Variants in YARS1 observed in about 807,000 individuals in gnomAD.
The protein encoded by YARS1 is tyrosine--tRNA ligase, cytoplasmic.
In YARS1, 36 loss-of-function variants were observed where a neutral mutation model predicts 62.2. The ratio of observed to expected loss-of-function variants is 0.58; its 90% CI spans 0.44 to 0.76. YARS1 has a LOEUF of 0.76. Ranked by LOEUF, YARS1 falls within the 30% of genes least tolerant of loss-of-function variation. The probability of loss-of-function intolerance (pLI) is 0.00; values close to 1 mark genes in which losing one functional copy is unlikely to be tolerated. For synonymous variants in YARS1, 234 were observed against 244.9 expected (o/e 0.96, Z 0.42); for missense variants, 524 against 639.8 (o/e 0.82, Z 1.95).
At chr1:32,815,969 C>T (rs1160263058) in intron 1 of YARS1, among the ~76,000 whole-genome samples, 18 of 151,776 alleles carry the variant, frequency 1.2e-4, no homozygotes, top group African/African-American at 4.4e-4. Flanking sequence ...ATTAGCCGGG[C>T]GTGGGGGCGG....
intron 5 of YARS1, among the ~76,000 whole-genome samples, chr1:32,791,534 G>A (rs1653412202): frequency 6.6e-6 from 1 of 152,168 alleles, no homozygotes; most frequent in Non-Finnish European, 1.5e-5. Context: ...GGGCATGGTG[G>A]CTCACACCTG....
At chr1:32,802,576 G>T (rs1329501515) in intron 4 of YARS1, among the ~76,000 whole-genome samples, 1 of 152,162 alleles carries the variant, frequency 6.6e-6, no homozygotes, top group Non-Finnish European at 1.5e-5. Context: ...TGTTGTGTTA[G>T]CAGGCATGAA....
In YARS1 at chr1:32,780,116, C is replaced by T. The variant is rs777567617; in HGVS notation, c.1303G>A (p.Glu435Lys). Residue 435 changes from glutamate (E) to lysine (K), a missense_variant, in exon 11 of 13, where the codon GAG becomes AAG. Physicochemically the swap from Glu to Lys is moderately conservative, Grantham distance 56 (BLOSUM62 1). Transcript: ENST00000373477. ...GCACACAGAAGCATGCCTTGGGACT[C>T]GACTCCTCTCATCTTCTGGGGTTTC... ...NLKPQKMRGV[E>K]SQGMLLCASI... 16 of 1,614,006 alleles carry T rather than the reference C, an allele frequency of 9.9e-6. No homozygotes were observed. The highest frequency in any genetic ancestry group is 2.2e-5 in the South Asian group (2 of 91,080).
At chr1:32,785,174 C>A (rs1653179802) in intron 8 of YARS1, among the ~76,000 whole-genome samples, 1 of 152,152 alleles carries the variant, frequency 6.6e-6, no homozygotes, top group Non-Finnish European at 1.5e-5. Flanking sequence ...ATAAACAGAG[C>A]CCTGGCCGGG....
chr1:32,783,211 T>G (rs544680311), intron 8 of YARS1: 3 of 153,350 alleles, frequency 2.0e-5, no homozygotes, highest in Admixed American at 1.9e-4. Context: ...TCTCACAGGA[T>G]GGGGATGAGG....
At chr1:32,800,490 A>T (rs1193954985) in intron 4 of YARS1, among the ~76,000 whole-genome samples, 4 of 152,052 alleles carry the variant, frequency 2.6e-5, no homozygotes, top group Non-Finnish European at 4.4e-5. Context: ...AAATTTAATT[A>T]AAAAAAATTA....
chr1:32,779,072 C>T (rs1652969646), intron 12 of YARS1, among the ~76,000 whole-genome samples: 1 of 152,066 alleles, frequency 6.6e-6, no homozygotes. Context: ...CCCTATGTGG[C>T]CTTGTCAGGT....
intron 1 of YARS1, among the ~76,000 whole-genome samples, chr1:32,813,395 T>C (rs1187264753): frequency 6.6e-6 from 1 of 152,252 alleles, no homozygotes; most frequent in South Asian, 2.1e-4. Flanking sequence ...CTCCGCTTAC[T>C]GCAACCTCCG....
At position 32,797,859 on chromosome 1, in the gene YARS1, C is replaced by T. The variant is rs781742444; in HGVS notation, c.511-16G>A. The T allele has an allele frequency of 7.8e-5, 126 of 1,608,492 alleles. 1 individual carries two copies. The highest frequency in any genetic ancestry group is 1.0e-4 in the Non-Finnish European group (123 of 1,175,212). On this transcript the variant is annotated splice_polypyrimidine_tract_variant and intron_variant, in intron 4 of 12. Transcript: ENST00000373477. ...CATCCAAAGCCTGTGGAAAGAAACA[C>T]ATGAACATAAACATCTACTTTATTT...
chr1:32,786,410 G>T lies in YARS1; in HGVS notation c.858C>A (p.Asn286Lys). 1.2e-6 allele frequency: 2 copies of T among 1,613,924 alleles called. No individual in the cohort carries two copies. Among genetic ancestry groups the T allele is most frequent in the Non-Finnish European group, 1.7e-6 (2 of 1,179,992 alleles). ...VILRDEKWGGNKTYTAYVDLE... is the reference protein window; with the variant it reads ...VILRDEKWGGKKTYTAYVDLE... Reference sequence around the variant, plus strand: ...GGTCCACGTAAGCTGTGTAGGTTTTGTTTCCACCCCATTTCTCATCTCGTA... The same window carrying T: ...GGTCCACGTAAGCTGTGTAGGTTTTTTTTCCACCCCATTTCTCATCTCGTA... The change falls in exon 8 of 13, where the codon AAC (asparagine) becomes AAA (lysine). Residue 286 changes from asparagine (N) to lysine (K), a missense_variant. By Grantham distance (94) the Asn-to-Lys change is moderately conservative (BLOSUM62 0). Transcript: ENST00000373477.
At chr1:32,808,775 T>G (rs1012736449) in intron 3 of YARS1, among the ~76,000 whole-genome samples, 1 of 152,210 alleles carries the variant, frequency 6.6e-6, no homozygotes, top group African/African-American at 2.4e-5. Context: ...TCATTCAAAT[T>G]GAAACCCCCC....
intron 3 of YARS1, among the ~76,000 whole-genome samples, chr1:32,808,808 C>T (rs1638519557): frequency 6.6e-6 from 1 of 152,192 alleles, no homozygotes; most frequent in South Asian, 2.1e-4. Flanking sequence ...CTTTCGCTAC[C>T]CTGGCCTGCC....
chr1:32,796,998 ATATATATATATATATATATATATATAT>A (rs1653618319), intron 5 of YARS1, among the ~76,000 whole-genome samples: 8 of 5,508 alleles, frequency 1.5e-3, no homozygotes, highest in East Asian at 0.012. Flanking sequence ...AAAAAAAAAT[ATATATATATATATATATATATATATAT>A]ATATATATAT....
Position 32,781,047 on chromosome 1 carries a change from C to A in YARS1, c.1140+1G>T, listed in dbSNP as rs1243406894. On this transcript the variant is annotated splice_donor_variant, in intron 10 of 12. Coordinates refer to ENST00000373477, the MANE Select transcript of YARS1 (RefSeq NM_003680.4). LOFTEE classifies it high-confidence loss of function. Reference sequence around the variant, plus strand: ...TCTGAGATGTGGTGAAAAATGAGTACCTTCTCCACAGTGATGATTTTCCCC... The same window carrying A: ...TCTGAGATGTGGTGAAAAATGAGTAACTTCTCCACAGTGATGATTTTCCCC... 1 of 1,613,920 alleles carries A rather than the reference C, an allele frequency of 6.2e-7. No homozygotes were observed. The highest frequency in any genetic ancestry group is 1.1e-5 in the South Asian group (1 of 91,082).
chr1:32,794,411 A>G (rs1427361018), intron 5 of YARS1, among the ~76,000 whole-genome samples: 1 of 152,096 alleles, frequency 6.6e-6, no homozygotes, highest in African/African-American at 2.4e-5. Context: ...TATTTTTGAG[A>G]CAAGGTCTCT....
chr1:32,796,077 G>T (rs1653571485), intron 5 of YARS1, among the ~76,000 whole-genome samples: 1 of 152,010 alleles, frequency 6.6e-6, no homozygotes, highest in African/African-American at 2.4e-5. Context: ...GGTGGATCAT[G>T]AGGTCAGGAG....
At chr1:32,788,516 C>T (rs555791702) in intron 6 of YARS1, among the ~76,000 whole-genome samples, 37 of 152,210 alleles carry the variant, frequency 2.4e-4, no homozygotes, top group African/African-American at 6.5e-4. Flanking sequence ...CCTCAACCTC[C>T]GCCTCCTGGG....
intron 4 of YARS1, among the ~76,000 whole-genome samples, chr1:32,802,923 C>A (rs1373995168): frequency 6.6e-6 from 1 of 151,916 alleles, no homozygotes; most frequent in Non-Finnish European, 1.5e-5. Context: ...AGTGATTCTC[C>A]TGCCTCAGCC....
chr1:32,790,992 G>A (rs1023164054), intron 6 of YARS1, 170 bp downstream of exon 6: 1 of 697,946 alleles, frequency 1.4e-6, no homozygotes, highest in Non-Finnish European at 2.6e-6. Context: ...CATCAGGACT[G>A]CTCTGGATCC....
Sources: allele counts gnomAD v4.1 joint callset (sites outside exome capture counted in the v4.1 genomes callset), GRCh38; gene constraint gnomAD v4.1.1; transcripts MANE v1.5; gene names NCBI Gene and HGNC (gene_info 2026-07-23, HGNC 2026-07-21).